Variants in BNC2 observed in about 807,000 individuals in gnomAD.
BNC2 encodes basonuclin zinc finger protein 2, also known as zinc finger protein basonuclin-2.
A neutral mutation model predicts 76.3 loss-of-function variants in BNC2; 20 were observed. The ratio of observed to expected loss-of-function variants is 0.26; its 90% CI spans 0.18 to 0.38. The LOEUF (loss-of-function observed/expected upper bound fraction) is 0.38. BNC2 is among the 10% of genes least tolerant of loss of function. The pLI, the probability that BNC2 is intolerant of heterozygous loss-of-function variation, is 1.00. For synonymous variants in BNC2, 582 were observed against 514.8 expected, an observed-to-expected ratio of 1.13 and a Z score of -1.77; for missense variants, 1,382 against 1,399.8, an observed-to-expected ratio of 0.99 and a Z score of 0.20.
At chr9:16,738,576 A>G (rs1824750220) in intron 1 of BNC2, 91 bp from the exon 2 acceptor site, 1 of 1,393,204 alleles carries the variant, frequency 7.2e-7, no homozygotes, top group Non-Finnish European at 1.0e-6. Flanking sequence ...AATTGCAAAT[A>G]TAACACACCA....
chr9:16,610,829 T>A (rs1360209669), intron 3 of BNC2, among the ~76,000 whole-genome samples: 1 of 152,186 alleles, frequency 6.6e-6, no homozygotes, highest in Non-Finnish European at 1.5e-5. Flanking sequence ...TAGCAAATTC[T>A]GTTGCTCCCT....
chr9:16,566,233 C>G (rs1819163314), intron 4 of BNC2, among the ~76,000 whole-genome samples: 1 of 152,148 alleles, frequency 6.6e-6, no homozygotes, highest in African/African-American at 2.4e-5. Flanking sequence ...ATACCTGAAA[C>G]AAAATCACTA....
chr9:16,426,936 G>A (rs931401186), intron 6 of BNC2, among the ~76,000 whole-genome samples: 32 of 152,144 alleles, frequency 2.1e-4, no homozygotes, highest in African/African-American at 7.7e-4. Context: ...TCACCATATA[G>A]CACTGAACTT....
At chr9:16,560,149 G>C (rs749107757) in intron 4 of BNC2, among the ~76,000 whole-genome samples, 1 of 152,142 alleles carries the variant, frequency 6.6e-6, no homozygotes, top group East Asian at 1.9e-4. Flanking sequence ...ACTGGGTCTG[G>C]GCATCAAGAA....
chr9:16,745,280 G>T lies in BNC2; in HGVS notation c.4-6795C>A, dbSNP rs117180485. On this transcript the variant is annotated intron_variant, in intron 1 of 6. Transcript: ENST00000380672. ...CCACAGGCCAAGTTTGGCTTCAGAT[G>T]TGTTTTGCTTGGCTCCTCCTAAGTG... Among the ~76,000 whole-genome samples, 19 of 152,308 alleles carry T rather than the reference G, an allele frequency of 1.2e-4. 1 individual carries two copies. The East Asian group carries it at 3.7e-3, about 29-fold the overall frequency.
intron 3 of BNC2, among the ~76,000 whole-genome samples, chr9:16,593,092 T>G (rs1310410769): frequency 6.6e-6 from 1 of 151,988 alleles, no homozygotes; most frequent in East Asian, 1.9e-4. Context: ...CTAAGATAAT[T>G]TGTTAAAAAT....
chr9:16,459,387 C>T (rs114624586), intron 5 of BNC2, among the ~76,000 whole-genome samples: 259 of 152,252 alleles, frequency 1.7e-3, no homozygotes, highest in African/African-American at 6.0e-3. Flanking sequence ...ACAGGTGTTG[C>T]ATTTGTTTTC....
intron 3 of BNC2, among the ~76,000 whole-genome samples, chr9:16,594,403 CT>C (rs1480265110): frequency 6.6e-6 from 1 of 152,114 alleles, no homozygotes; most frequent in Non-Finnish European, 1.5e-5. Flanking sequence ...TCCTCTAAAT[CT>C]TTACCCTCTT....
chr9:16,501,900 G>T (rs1225098044), intron 5 of BNC2, among the ~76,000 whole-genome samples: 1 of 152,174 alleles, frequency 6.6e-6, no homozygotes, highest in Non-Finnish European at 1.5e-5. Context: ...AATTGCTAAA[G>T]AACAGAGAAT....
chr9:16,852,273 A>G (rs1412408791), intron 1 of BNC2, among the ~76,000 whole-genome samples: 3 of 152,194 alleles, frequency 2.0e-5, no homozygotes, highest in African/African-American at 7.2e-5. Context: ...AATTTCTAAT[A>G]TATTTTCCCC....
At chr9:16,424,412 CA>C (rs1563776673) in intron 6 of BNC2, among the ~76,000 whole-genome samples, 1 of 152,010 alleles carries the variant, frequency 6.6e-6, no homozygotes, top group Admixed American at 6.6e-5. Flanking sequence ...TGAATTGAAA[CA>C]AAATACTTAA....
intron 4 of BNC2, among the ~76,000 whole-genome samples, chr9:16,577,375 A>C (rs916177364): frequency 6.6e-6 from 1 of 152,174 alleles, no homozygotes; most frequent in Non-Finnish European, 1.5e-5. Flanking sequence ...AATACAAAAA[A>C]AAAGGTTTGA....
In BNC2 at chr9:16,414,961, G is replaced by A. The variant is rs953120800; in HGVS notation, c.*4028C>T. On this transcript the variant is annotated 3_prime_UTR_variant, in exon 7 of 7. Transcript: ENST00000380672. ...TCCTTAGAGCAATGTATAATAATGG[G>A]GCTGTTAACCAGTTAAGTGCCTTTC... is the stretch of plus-strand genomic sequence containing the variant. 2.0e-5 allele frequency: 3 copies of A among 150,990 alleles called. No homozygotes were observed. Among genetic ancestry groups the A allele is most frequent in the Non-Finnish European group, 2.9e-5 (2 of 67,872 alleles). 9.4% of individuals were successfully genotyped at this position (150,990 alleles called of 1,614,324 possible).
chr9:16,707,614 G>A (rs1457481068), intron 3 of BNC2, among the ~76,000 whole-genome samples: 1 of 152,124 alleles, frequency 6.6e-6, no homozygotes, highest in Non-Finnish European at 1.5e-5. Context: ...TCTCATTTTA[G>A]TTCTAAACAA....
intron 6 of BNC2, among the ~76,000 whole-genome samples, chr9:16,432,755 G>C (rs1820931547): frequency 6.6e-6 from 1 of 152,168 alleles, no homozygotes; most frequent in South Asian, 2.1e-4. Context: ...AGGACAGCAG[G>C]ATTAAAGACA....
intron 5 of BNC2, among the ~76,000 whole-genome samples, chr9:16,534,653 C>A (rs1044572464): frequency 2.6e-5 from 4 of 152,060 alleles, no homozygotes; most frequent in East Asian, 1.9e-4. Flanking sequence ...AAAAATGATT[C>A]TCCACCCATC....
intron 5 of BNC2, among the ~76,000 whole-genome samples, chr9:16,503,843 G>A (rs983754173): frequency 6.6e-6 from 1 of 152,080 alleles, no homozygotes; most frequent in Non-Finnish European, 1.5e-5. Context: ...GCCTCTTCAT[G>A]TGCCAACACA....
chr9:16,460,734 C>T (rs1014409180), intron 5 of BNC2, among the ~76,000 whole-genome samples: 39 of 152,212 alleles, frequency 2.6e-4, no homozygotes, highest in African/African-American at 7.7e-4. Flanking sequence ...GCGTTGACTA[C>T]CCTGAGCCTC....
chr9:16,832,361 G>T (rs777723471), intron 1 of BNC2: 21 of 1,220,172 alleles, frequency 1.7e-5, no homozygotes, highest in Non-Finnish European at 2.2e-5. Context: ...CTGTGAAACA[G>T]AACAGAGAAC....
Sources: gnomAD v4.1 joint callset for allele counts (sites outside exome capture counted in the v4.1 genomes callset) on GRCh38, gnomAD v4.1.1 for gene constraint, MANE v1.5 for transcripts, NCBI Gene and HGNC (gene_info 2026-07-23, HGNC 2026-07-21) for gene names.